Variants in B3GALNT1 observed in about 807,000 individuals in gnomAD.
The protein encoded by B3GALNT1 is beta-1,3-N-acetylgalactosaminyltransferase 1 (Globoside blood group).
In B3GALNT1, 17 loss-of-function variants were observed where a neutral mutation model predicts 27.3. The observed-to-expected ratio is 0.62, with a 90% CI of 0.43 to 0.94. The LOEUF (loss-of-function observed/expected upper bound fraction) is 0.94. Ranked by LOEUF, B3GALNT1 falls within the 40% of genes least tolerant of loss-of-function variation. The pLI, the probability that B3GALNT1 is intolerant of heterozygous loss-of-function variation, is 0.00. For missense variants in B3GALNT1, 347 were observed against 390.0 expected (o/e 0.89, Z 0.93); for synonymous variants, 141 against 144.0 (o/e 0.98, Z 0.15).
chr3:161,101,361 G>T, intron 3 of B3GALNT1, 128 bp from the exon 4 acceptor site: 1 of 449,420 alleles, frequency 2.2e-6, no homozygotes, highest in South Asian at 1.8e-5. Flanking sequence ...GGGAGCTGCT[G>T]CAGTTAACAT....
intron 4 of B3GALNT1, among the ~76,000 whole-genome samples, chr3:161,100,652 T>A (rs1404613149): frequency 6.6e-6 from 1 of 152,188 alleles, no homozygotes; most frequent in Admixed American, 6.5e-5. Flanking sequence ...GCATGCAGAA[T>A]CTTTTAGGGA....
intron 4 of B3GALNT1, among the ~76,000 whole-genome samples, chr3:161,091,748 G>A (rs1725233923): frequency 6.6e-6 from 1 of 152,220 alleles, no homozygotes; most frequent in Non-Finnish European, 1.5e-5. Context: ...TGGGTAGGGT[G>A]TGGTACTATC....
chr3:161,103,189 A>G (rs979833326), intron 3 of B3GALNT1: 3 of 208,104 alleles, frequency 1.4e-5, no homozygotes, highest in African/African-American at 7.1e-5. Context: ...CCTGGGAAAC[A>G]TAAAGTGGCC....
rs774286151 is a variant in B3GALNT1 at position 161,086,105 on chromosome 3, C to A, written c.650G>T (p.Gly217Val). Residue 217 changes from glycine (G) to valine (V), a missense_variant, in exon 5 of 5, where the codon GGA becomes GTA. By Grantham distance (109) the Gly-to-Val change is moderately radical. Transcript: ENST00000320474. The stretch of plus-strand genomic sequence containing the variant: ...AGAAATATGGGTTTTTTGGTAAAAT[C>A]CTCTATAGGAATAATTATCAATTAG... ...YPLIDNYSYR[G>V]FYQKTHISYQ... 6.2e-7 allele frequency: 1 copy of A among 1,602,268 alleles called. No homozygotes were observed. The highest frequency in any genetic ancestry group is 1.3e-5 in the African/African-American group (1 of 74,210).
At chr3:161,097,015 C>T (rs1347424610) in intron 4 of B3GALNT1, among the ~76,000 whole-genome samples, 2 of 152,224 alleles carry the variant, frequency 1.3e-5, no homozygotes, top group Non-Finnish European at 2.9e-5. Context: ...TAGACCCTCA[C>T]CACTCAAAGT....
chr3:161,099,549 G>A (rs1002431781), intron 4 of B3GALNT1, among the ~76,000 whole-genome samples: 2 of 152,202 alleles, frequency 1.3e-5, no homozygotes, highest in Non-Finnish European at 2.9e-5. Flanking sequence ...CAGGAAACAA[G>A]GATTCTAGTT....
At chr3:161,102,862 G>T (rs1038767585) in intron 3 of B3GALNT1, among the ~76,000 whole-genome samples, 2 of 152,148 alleles carry the variant, frequency 1.3e-5, no homozygotes, top group Non-Finnish European at 2.9e-5. Context: ...TCATCCAATG[G>T]TGGATGGAAC....
Position 161,085,892 on chromosome 3 carries a change from T to A in B3GALNT1, c.863A>T (p.Asn288Ile). Residue 288 changes from asparagine to isoleucine, a missense_variant, in exon 5 of 5, where the codon AAT (asparagine) becomes ATT (isoleucine). Transcript: ENST00000320474. ...KVNIHIPEDTNLFFLYRIHLD... is the reference protein window; with the variant it reads ...KVNIHIPEDTILFFLYRIHLD... ...ATGGATTCTATATAGAAAGAAAAGA[T>A]TTGTGTCTTCTGGAATATGAATGTT... 1 of 1,613,476 alleles carries A rather than the reference T, an allele frequency of 6.2e-7. No individual in the cohort carries two copies. The highest frequency in any genetic ancestry group is 8.5e-7 in the Non-Finnish European group (1 of 1,179,716).
At chr3:161,091,875 A>G (rs938608531) in intron 4 of B3GALNT1, among the ~76,000 whole-genome samples, 20 of 152,222 alleles carry the variant, frequency 1.3e-4, no homozygotes, top group Non-Finnish European at 1.5e-5. Context: ...TCTTTCATGA[A>G]ATTACTGATG....
At chr3:161,097,809 AT>A (rs746526994) in intron 4 of B3GALNT1, among the ~76,000 whole-genome samples, 10 of 152,200 alleles carry the variant, frequency 6.6e-5, no homozygotes, top group Non-Finnish European at 1.5e-4. Flanking sequence ...TGCGTGTGAT[AT>A]TCAAGTGGTG....
At chr3:161,100,213 C>G (rs1730479156) in intron 4 of B3GALNT1, among the ~76,000 whole-genome samples, 1 of 152,138 alleles carries the variant, frequency 6.6e-6, no homozygotes. Flanking sequence ...AAATGTAGTT[C>G]ATAGAAAAGG....
At chr3:161,086,821 C>G in intron 4 of B3GALNT1, 33 bp from the exon 5 acceptor site, 1 of 1,582,492 alleles carries the variant, frequency 6.3e-7, no homozygotes, top group Middle Eastern at 1.7e-4. Flanking sequence ...GGTTAATATT[C>G]CACACCGAAA....
chr3:161,089,727 G>C (rs1250720626), intron 4 of B3GALNT1, among the ~76,000 whole-genome samples: 1 of 152,004 alleles, frequency 6.6e-6, no homozygotes, highest in African/African-American at 2.4e-5. Flanking sequence ...AAATATAAAT[G>C]TGCTGTTAAT....
At chr3:161,102,877 C>G (rs934323457) in intron 3 of B3GALNT1, among the ~76,000 whole-genome samples, 1 of 152,118 alleles carries the variant, frequency 6.6e-6, no homozygotes, top group African/African-American at 2.4e-5. Flanking sequence ...TGGAACAAAG[C>G]TGGAGGCTGG....
At position 161,085,178 on chromosome 3, in the gene B3GALNT1, T is replaced by C. The variant is rs1175100300; in HGVS notation, c.*581A>G. 6.6e-6 allele frequency: 1 copy of C among 152,662 alleles called. No homozygotes were observed. The allele number at this position is 152,662 out of a possible 1,614,324, so 9.5% of individuals were successfully genotyped here. On this transcript the variant is annotated 3_prime_UTR_variant, in exon 5 of 5. Transcript: ENST00000320474. ...GATTCACTATCCTTTTTATCTTGTA[T>C]TGAAATCGTCAAAACATTTAAAAAC...
At chr3:161,088,378 T>C (rs185157063) in intron 4 of B3GALNT1, among the ~76,000 whole-genome samples, 27 of 152,350 alleles carry the variant, frequency 1.8e-4, no homozygotes, top group African/African-American at 5.8e-4. Flanking sequence ...TATGACCTTG[T>C]TGGCAAAAAC....
chr3:161,085,945 G>A lies in B3GALNT1; in HGVS notation c.810C>T (p.Val270=), dbSNP rs779326139. ...VKPIKFEDVY[V]GICLNLLKVN... ...CTTTTAATAAATTCAAACAGATCCC[G>A]ACATAAACATCTTCAAACTTGATGG... The change falls in exon 5 of 5, where the codon GTC becomes GTT. Residue 270 remains valine (V), a synonymous_variant. Coordinates refer to ENST00000320474, the MANE Select transcript of B3GALNT1 (RefSeq NM_003781.4). 1.1e-5 allele frequency: 17 copies of A among 1,604,196 alleles called. No homozygotes were observed. The highest frequency in any genetic ancestry group is 3.4e-5 in the South Asian group (3 of 89,440).
At position 161,085,894 on chromosome 3, in the gene B3GALNT1, T is replaced by G. The variant is rs375910264; in HGVS notation, c.861A>C (p.Thr287=). 2.5e-6 allele frequency: 4 copies of G among 1,613,494 alleles called. No individual in the cohort carries two copies. In the African/African-American group the frequency reaches 5.3e-5, roughly 22 times the overall value. Residue 287 remains threonine, a synonymous_variant, in exon 5 of 5, where the codon ACA becomes ACC. Transcript: ENST00000320474. The stretch of plus-strand genomic sequence containing the variant: ...GGATTCTATATAGAAAGAAAAGATT[T>G]GTGTCTTCTGGAATATGAATGTTCA... The part of the protein sequence containing the change: ...LKVNIHIPED[T]NLFFLYRIHL...
rs1273424471 is a variant in B3GALNT1, at chr3:161,083,998, A to T, written c.*1761T>A. 6.6e-6 allele frequency: 1 copy of T among 152,208 alleles called. No individual in the cohort carries two copies. The highest frequency in any genetic ancestry group is 2.4e-5 in the African/African-American group (1 of 41,454). The allele number at this position is 152,208 out of a possible 1,614,324, so 9.4% of individuals were successfully genotyped here. A position where few individuals can be genotyped will look rare whatever the true frequency, so the allele number is the denominator to read the frequency against. On this transcript the variant is annotated 3_prime_UTR_variant, in exon 5 of 5. Transcript: ENST00000320474. Reference sequence around the variant, plus strand: ...AACTGGCAGTGTAGTAGGTTTGTTTACACCAGCATCTCCACAGACACGTGA... The same window carrying T: ...AACTGGCAGTGTAGTAGGTTTGTTTTCACCAGCATCTCCACAGACACGTGA...
Sources: gnomAD v4.1 joint callset for allele counts (sites outside exome capture counted in the v4.1 genomes callset) on GRCh38, gnomAD v4.1.1 for gene constraint, MANE v1.5 for transcripts, NCBI Gene and HGNC (gene_info 2026-07-23, HGNC 2026-07-21) for gene names.